SLC25A27: variants seen among roughly 807,000 people sequenced by gnomAD.
SLC25A27 encodes the protein mitochondrial uncoupling protein 4.
Under a neutral mutation model 49.1 loss-of-function variants are expected in SLC25A27, and 35 were observed. That is an observed-to-expected ratio of 0.71 (90% CI 0.54 to 0.95). The LOEUF (loss-of-function observed/expected upper bound fraction) is 0.95, where lower values mean the gene tolerates loss of function less well. SLC25A27 is among the 40% of genes least tolerant of loss of function. SLC25A27 has a pLI of 0.00. For missense variants in SLC25A27, 339 were observed against 397.1 expected (o/e 0.85, Z 1.24); for synonymous variants, 144 against 136.9 (o/e 1.05, Z -0.36).
intron 8 of SLC25A27, among the ~76,000 whole-genome samples, chr6:46,672,523 A>C (rs1763594273): frequency 6.6e-6 from 1 of 152,186 alleles, no homozygotes; most frequent in South Asian, 2.1e-4. Context: ...GATTAAAAAC[A>C]TGTTTAGGAG....
At chr6:46,659,083 A>G (rs1320216819) in intron 3 of SLC25A27, 37 bp downstream of exon 3, 1 of 1,340,182 alleles carries the variant, frequency 7.5e-7, no homozygotes, top group African/African-American at 1.4e-5. Flanking sequence ...CTGTTGCCCC[A>G]AATGCCTTAA....
chr6:46,664,968 A>G (rs569009104), intron 5 of SLC25A27, 82 bp downstream of exon 5: 5 of 616,656 alleles, frequency 8.1e-6, no homozygotes, highest in East Asian at 6.1e-5. Flanking sequence ...ATTAAAATTT[A>G]TGTTTTATTT....
At chr6:46,654,052 A>G (rs1762879247) in intron 1 of SLC25A27, 4 of 911,798 alleles carry the variant, frequency 4.4e-6, no homozygotes, top group African/African-American at 1.8e-5. Flanking sequence ...ATCTGCCTAC[A>G]TGAGTAAGAA....
At chr6:46,663,599 G>C (rs987972524) in intron 4 of SLC25A27, among the ~76,000 whole-genome samples, 1 of 152,150 alleles carries the variant, frequency 6.6e-6, no homozygotes, top group Non-Finnish European at 1.5e-5. Flanking sequence ...TTAGGATCCA[G>C]AATATCTGAG....
At chr6:46,660,261 G>T (rs952870012) in intron 3 of SLC25A27, among the ~76,000 whole-genome samples, 1 of 28,906 alleles carries the variant, frequency 3.5e-5, no homozygotes, top group African/African-American at 2.1e-4. Context: ...TGTATAGAGA[G>T]AGAGAGAGAA....
At chr6:46,667,296 C>T (rs956770010) in intron 5 of SLC25A27, among the ~76,000 whole-genome samples, 2 of 152,156 alleles carry the variant, frequency 1.3e-5, no homozygotes, top group African/African-American at 4.8e-5. Context: ...ACCAGGGCTC[C>T]ACAACTCCCT....
chr6:46,673,787 A>C (rs150557398), intron 8 of SLC25A27, among the ~76,000 whole-genome samples: 257 of 152,308 alleles, frequency 1.7e-3, no homozygotes, highest in Non-Finnish European at 3.2e-3. Flanking sequence ...GCACTTGCTT[A>C]AGCCCGGGAA....
chr6:46,674,249 CTG>C (rs1193992261), intron 8 of SLC25A27, among the ~76,000 whole-genome samples: 1 of 152,048 alleles, frequency 6.6e-6, no homozygotes, highest in African/African-American at 2.4e-5. Context: ...CTTTTTAAAA[CTG>C]TATAAGAACC....
chr6:46,673,599 A>G (rs1304220699), intron 8 of SLC25A27, among the ~76,000 whole-genome samples: 1 of 152,232 alleles, frequency 6.6e-6, no homozygotes, highest in Non-Finnish European at 1.5e-5. Context: ...CAACATGAGC[A>G]TAGGCATCAT....
intron 6 of SLC25A27, among the ~76,000 whole-genome samples, chr6:46,669,017 C>T (rs1462319011): frequency 1.3e-5 from 2 of 152,118 alleles, no homozygotes; most frequent in East Asian, 3.9e-4. Context: ...AAAATATTTG[C>T]ATCTTGATGG....
At chr6:46,660,364 A>G (rs1364059150) in intron 3 of SLC25A27, among the ~76,000 whole-genome samples, 2 of 152,180 alleles carry the variant, frequency 1.3e-5, no homozygotes, top group African/African-American at 4.8e-5. Context: ...AAACTCACCA[A>G]TAATCAGGGA....
chr6:46,660,940 T>C (rs1205656187), intron 3 of SLC25A27, among the ~76,000 whole-genome samples: 1 of 152,306 alleles, frequency 6.6e-6, no homozygotes, highest in East Asian at 1.9e-4. Flanking sequence ...TTAGGGTGGA[T>C]AGGTTTAATG....
At chr6:46,660,793 T>C (rs1763137158) in intron 3 of SLC25A27, among the ~76,000 whole-genome samples, 1 of 152,188 alleles carries the variant, frequency 6.6e-6, no homozygotes, top group Non-Finnish European at 1.5e-5. Flanking sequence ...TTTTGAAAAA[T>C]TGTAATGTAC....
chr6:46,658,742 A>G, intron 2 of SLC25A27: 1 of 552,604 alleles, frequency 1.8e-6, no homozygotes, highest in Non-Finnish European at 3.2e-6. Context: ...TCATTCTAGA[A>G]AGATCAGACA....
intron 2 of SLC25A27, chr6:46,658,432 T>A: frequency 2.5e-6 from 1 of 402,440 alleles, no homozygotes. Flanking sequence ...CAGCTAAGAT[T>A]CATTTCATAC....
intron 2 of SLC25A27, among the ~76,000 whole-genome samples, chr6:46,658,193 C>G (rs1318686092): frequency 2.0e-5 from 3 of 152,156 alleles, no homozygotes; most frequent in African/African-American, 7.2e-5. Context: ...CAAAAACTAT[C>G]TAGAACTGTG....
intron 2 of SLC25A27, 58 bp from the exon 3 acceptor site, chr6:46,658,904 C>T: frequency 2.7e-6 from 3 of 1,122,244 alleles, no homozygotes; most frequent in East Asian, 2.3e-5. Flanking sequence ...TTTATACATA[C>T]ATAAGCATAT....
chr6:46,669,228 G>A (rs190143628), intron 6 of SLC25A27, among the ~76,000 whole-genome samples: 1 of 152,286 alleles, frequency 6.6e-6, no homozygotes, highest in East Asian at 1.9e-4. Context: ...CTAAAAGGAA[G>A]CAACTAGTTA....
chr6:46,672,043 A>G (rs1562042458), intron 8 of SLC25A27, among the ~76,000 whole-genome samples: 1 of 152,162 alleles, frequency 6.6e-6, no homozygotes, highest in Non-Finnish European at 1.5e-5. Flanking sequence ...AGCTTTGAAT[A>G]AGAAACTATA....
Sources: allele counts gnomAD v4.1 joint callset (sites outside exome capture counted in the v4.1 genomes callset), GRCh38; gene constraint gnomAD v4.1.1; transcripts MANE v1.5; gene names NCBI Gene and HGNC (gene_info 2026-07-23, HGNC 2026-07-21).